The following LHFPL3 variants were observed in gnomAD, a reference collection of about 807,000 sequenced individuals.
The protein encoded by LHFPL3 is LHFPL tetraspan subfamily member 3, also known as LHFPL tetraspan subfamily member 3 protein.
Under a neutral mutation model 19.3 loss-of-function variants are expected in LHFPL3, and 5 were observed. That is an observed-to-expected ratio of 0.26 (90% CI 0.14 to 0.54). The LOEUF is 0.54. Ranked by LOEUF, LHFPL3 falls within the 20% of genes least tolerant of loss-of-function variation. The probability of loss-of-function intolerance (pLI) is 0.94; values close to 1 mark genes in which losing one functional copy is unlikely to be tolerated. For missense variants in LHFPL3, 249 were observed against 307.4 expected (o/e 0.81, Z 1.42); for synonymous variants, 133 against 126.2 (o/e 1.05, Z -0.36).
At chr7:104,460,451 A>G (rs1164219570) in intron 1 of LHFPL3, among the ~76,000 whole-genome samples, 3 of 152,112 alleles carry the variant, frequency 2.0e-5, no homozygotes, top group African/African-American at 7.2e-5. Context: ...AGTTGAATGA[A>G]TTTACACTCC....
chr7:104,372,188 C>T (rs919711554), intron 1 of LHFPL3, among the ~76,000 whole-genome samples: 3 of 152,166 alleles, frequency 2.0e-5, no homozygotes, highest in African/African-American at 7.2e-5. Context: ...TATCCACCCA[C>T]AATATTGAAA....
rs567511632 is a variant in LHFPL3 at position 104,908,021 on chromosome 7, C to T, written c.*1806C>T. Among the ~76,000 whole-genome samples the T allele has an allele frequency of 1.3e-5, 2 of 152,198 alleles. No homozygotes were observed. Among genetic ancestry groups the T allele is most frequent in the Admixed American group, 6.5e-5 (1 of 15,276 alleles). On this transcript the variant is annotated 3_prime_UTR_variant, in exon 3 of 3. Transcript: ENST00000424859. ...TGCTTTAAGTATTAGCTCCCTACTA[C>T]ATCCATAACACCCTACTTACTAAAT... is the stretch of plus-strand genomic sequence containing the variant.
intron 1 of LHFPL3, chr7:104,667,658 A>G: frequency 1.1e-6 from 1 of 922,158 alleles, no homozygotes; most frequent in Non-Finnish European, 1.6e-6. Context: ...AAGGGTAAAT[A>G]GTAACTAAAG....
At chr7:104,644,824 T>C (rs7784639) in intron 1 of LHFPL3, among the ~76,000 whole-genome samples, 147,207 of 152,162 alleles carry the variant, frequency 0.97, 71,351 homozygotes, top group Non-Finnish European at 1. Flanking sequence ...AGTATCACCT[T>C]GAGGAGCTTT....
chr7:104,731,330 T>C (rs1440500627), intron 1 of LHFPL3, among the ~76,000 whole-genome samples: 17 of 151,970 alleles, frequency 1.1e-4, no homozygotes, highest in African/African-American at 3.9e-4. Flanking sequence ...GGCATTTTCA[T>C]GATATTGATT....
intron 2 of LHFPL3, among the ~76,000 whole-genome samples, chr7:104,833,194 T>TAATAAACTCCCATATTGGGA (rs1189740911): frequency 2.0e-5 from 2 of 102,334 alleles, no homozygotes; most frequent in African/African-American, 4.0e-5. Flanking sequence ...AGTTAATAGT[T>TAATAAACTCCCATATTGGGA]ACTTGTATTA....
intron 2 of LHFPL3, among the ~76,000 whole-genome samples, chr7:104,814,814 G>A (rs911849250): frequency 1.5e-4 from 23 of 152,346 alleles, no homozygotes; most frequent in African/African-American, 4.8e-4. Flanking sequence ...ACTGGGCTGC[G>A]GCAGTGGCCG....
intron 1 of LHFPL3, among the ~76,000 whole-genome samples, chr7:104,386,480 T>G (rs1489825471): frequency 6.6e-6 from 1 of 152,174 alleles, no homozygotes; most frequent in African/African-American, 2.4e-5. Context: ...GAACAAGATG[T>G]CCACAGGGGT....
intron 2 of LHFPL3, among the ~76,000 whole-genome samples, chr7:104,828,862 C>G (rs1188258881): frequency 6.6e-6 from 1 of 151,672 alleles, no homozygotes; most frequent in South Asian, 2.1e-4. Flanking sequence ...TGGTGAAACC[C>G]TGTCTCCACT....
intron 2 of LHFPL3, among the ~76,000 whole-genome samples, chr7:104,830,888 C>G (rs989298251): frequency 1.3e-5 from 2 of 151,754 alleles, no homozygotes; most frequent in Admixed American, 6.6e-5. Context: ...GGTGGCTTCC[C>G]TTTGGATAGG....
chr7:104,612,413 G>C (rs924190630), intron 1 of LHFPL3, among the ~76,000 whole-genome samples: 18 of 152,220 alleles, frequency 1.2e-4, no homozygotes, highest in African/African-American at 4.3e-4. Context: ...AGGGATGGAT[G>C]GATGGACATC....
chr7:104,605,836 C>G (rs970953978), intron 1 of LHFPL3, among the ~76,000 whole-genome samples: 2 of 148,590 alleles, frequency 1.3e-5, no homozygotes, highest in African/African-American at 2.5e-5. Context: ...AATTCAAGTC[C>G]TTTTTGAATT....
chr7:104,584,097 G>T (rs1281420756), intron 1 of LHFPL3, among the ~76,000 whole-genome samples: 1 of 151,996 alleles, frequency 6.6e-6, no homozygotes, highest in African/African-American at 2.4e-5. Flanking sequence ...AGAAAATGTG[G>T]CACATATACA....
chr7:104,769,038 G>C (rs1794505984), intron 2 of LHFPL3: 1 of 152,202 alleles, frequency 6.6e-6, no homozygotes, highest in Non-Finnish European at 1.5e-5. Context: ...GAAAGAAATA[G>C]AGATGTAGCT....
intron 1 of LHFPL3, among the ~76,000 whole-genome samples, chr7:104,447,139 C>A (rs959158752): frequency 2.0e-5 from 3 of 152,104 alleles, no homozygotes; most frequent in Admixed American, 6.6e-5. Context: ...CCCATTTATA[C>A]AATTCTTTTT....
At chr7:104,496,583 C>G (rs1793486586) in intron 1 of LHFPL3, among the ~76,000 whole-genome samples, 1 of 152,118 alleles carries the variant, frequency 6.6e-6, no homozygotes, top group Non-Finnish European at 1.5e-5. Flanking sequence ...TACAGTCCCA[C>G]CAACAGTGTA....
Position 104,825,056 on chromosome 7 carries a change from A to G in LHFPL3, c.683-81131A>G, listed in dbSNP as rs149405605. 5.2e-4 allele frequency among the ~76,000 whole-genome samples: 79 copies of G among 150,698 alleles called. 2 individuals are homozygous for G. The highest frequency in any genetic ancestry group is 9.7e-4 in the East Asian group (5 of 5,166). On this transcript the variant is annotated intron_variant, in intron 2 of 2. Coordinates refer to ENST00000424859, the MANE Select transcript of LHFPL3 (RefSeq NM_199000.3). ...GATTATCCATTTCCAACAGACATATATGAATGAGTAAGTGACAGGGGAGTG... is the reference window on the plus strand; with the variant it reads ...GATTATCCATTTCCAACAGACATATGTGAATGAGTAAGTGACAGGGGAGTG...
chr7:104,865,436 C>A (rs1393216478), intron 2 of LHFPL3, among the ~76,000 whole-genome samples: 1 of 152,134 alleles, frequency 6.6e-6, no homozygotes, highest in Non-Finnish European at 1.5e-5. Context: ...ATGCACAAGC[C>A]TCAGTAGCCG....
intron 1 of LHFPL3, among the ~76,000 whole-genome samples, chr7:104,397,583 C>T (rs1228661062): frequency 1.3e-5 from 2 of 152,232 alleles, no homozygotes; most frequent in South Asian, 2.1e-4. Context: ...CGGCACTTTC[C>T]TTTCCTCCTT....
Sources: gnomAD v4.1 joint callset for allele counts (sites outside exome capture counted in the v4.1 genomes callset) on GRCh38, gnomAD v4.1.1 for gene constraint, MANE v1.5 for transcripts, NCBI Gene and HGNC (gene_info 2026-07-23, HGNC 2026-07-21) for gene names.